The following RNF150 variants were observed in gnomAD, a reference collection of about 807,000 sequenced individuals.
RNF150 encodes ring finger protein 150.
Under a neutral mutation model 39.3 loss-of-function variants are expected in RNF150, and 24 were observed. The observed-to-expected ratio is 0.61, with a 90% CI of 0.44 to 0.86. The LOEUF (loss-of-function observed/expected upper bound fraction) is 0.86, where lower values mean the gene tolerates loss of function less well. RNF150 is among the 40% of genes least tolerant of loss of function. RNF150 has a pLI of 0.00. For missense variants in RNF150, 502 were observed against 587.8 expected, an observed-to-expected ratio of 0.85 and a Z score of 1.51; for synonymous variants, 255 against 227.3, an observed-to-expected ratio of 1.12 and a Z score of -1.10.
At chr4:141,138,783 G>T (rs1298782098) in intron 1 of RNF150, among the ~76,000 whole-genome samples, 1 of 152,204 alleles carries the variant, frequency 6.6e-6, no homozygotes, top group Non-Finnish European at 1.5e-5. Flanking sequence ...CATCTCCCAG[G>T]ATTATTGGAA....
intron 5 of RNF150, 99 bp downstream of exon 5, chr4:140,925,878 T>G: frequency 1.2e-6 from 1 of 811,640 alleles, no homozygotes. Flanking sequence ...TATGTGTGAC[T>G]GAGGGGACAC....
rs1727227327 is a variant in RNF150, at chr4:141,147,782, A to G, written c.-6+65012T>C. Among the ~76,000 whole-genome samples, 3 of 152,186 alleles carry G rather than the reference A, an allele frequency of 2.0e-5. No homozygotes were observed. The South Asian group carries it at 6.2e-4, about 32-fold the overall frequency. On this transcript the variant is annotated intron_variant, in intron 1 of 7. Transcript: ENST00000420921. ...CCCTCTCTGTGGGCAGGCAGATTTC[A>G]GAGGGGAGGGGAAAAGGCTGATTGA...
intron 1 of RNF150, among the ~76,000 whole-genome samples, chr4:141,050,297 AC>A (rs911428930): frequency 8.5e-5 from 13 of 152,242 alleles, no homozygotes; most frequent in Middle Eastern, 3.4e-3. Context: ...TTGGGCAGGG[AC>A]AAAAGCAAAC....
intron 2 of RNF150, among the ~76,000 whole-genome samples, chr4:140,961,047 G>A (rs995025552): frequency 1.3e-5 from 2 of 151,984 alleles, no homozygotes; most frequent in Admixed American, 6.6e-5. Flanking sequence ...GATTTGAATC[G>A]AGACCCATCT....
chr4:140,962,065 T>TTCTCTCTCTTCTCTC (rs1553995766), intron 2 of RNF150, among the ~76,000 whole-genome samples: 3 of 149,084 alleles, frequency 2.0e-5, no homozygotes, highest in African/African-American at 7.4e-5. Context: ...TCTCTCTCTC[T>TTCTCTCTCTTCTCTC]TCTCTCTCTC....
chr4:140,867,814 G>T lies in RNF150; in HGVS notation c.*447C>A, dbSNP rs573797010. ...CTTCTAAACAGAAACCTATACAAAAGCTGGAGTGCATCAAAGGAAAAACAA... is the reference window on the plus strand; with the variant it reads ...CTTCTAAACAGAAACCTATACAAAATCTGGAGTGCATCAAAGGAAAAACAA... On this transcript the variant is annotated 3_prime_UTR_variant, in exon 7 of 7. Transcript: ENST00000515673. 6.4e-6 allele frequency: 1 copy of T among 155,360 alleles called. No homozygotes were observed. The highest frequency in any genetic ancestry group is 2.0e-4 in the South Asian group (1 of 5,010). 9.6% of individuals were successfully genotyped at this position (155,360 alleles called of 1,614,324 possible).
chr4:141,082,101 G>T (rs1031532234), intron 1 of RNF150, among the ~76,000 whole-genome samples: 3 of 152,168 alleles, frequency 2.0e-5, no homozygotes, highest in African/African-American at 7.2e-5. Flanking sequence ...TGGGCAAGAG[G>T]CACCACTGCA....
At chr4:141,082,592 TTTTA>T (rs1292897618) in intron 1 of RNF150, among the ~76,000 whole-genome samples, 18 of 134,268 alleles carry the variant, frequency 1.3e-4, no homozygotes, top group African/African-American at 5.2e-4. Flanking sequence ...TTTTTTTATT[TTTTA>T]TTTTTTTTTT....
intron 2 of RNF150, among the ~76,000 whole-genome samples, chr4:140,958,243 GA>G (rs1287583695): frequency 6.6e-6 from 1 of 152,074 alleles, no homozygotes; most frequent in Non-Finnish European, 1.5e-5. Flanking sequence ...CCATGGGTAG[GA>G]GGGGGGTGCT....
intron 1 of RNF150, among the ~76,000 whole-genome samples, chr4:141,062,355 G>A (rs1560716292): frequency 6.6e-6 from 1 of 151,870 alleles, no homozygotes; most frequent in Non-Finnish European, 1.5e-5. Flanking sequence ...GTATGTATAT[G>A]TATATATATG....
Position 140,866,237 on chromosome 4 carries a change from T to A in RNF150, c.*2024A>T, listed in dbSNP as rs1036208212. 1 of 152,236 alleles carries A rather than the reference T, an allele frequency of 6.6e-6. No homozygotes were observed. The highest frequency in any genetic ancestry group is 1.5e-5 in the Non-Finnish European group (1 of 68,040). 9.4% of individuals were successfully genotyped at this position (152,236 alleles called of 1,614,324 possible). On this transcript the variant is annotated 3_prime_UTR_variant, in exon 7 of 7. Transcript: ENST00000515673. ...CTCTACCTCCCCAAGCTACGAAGCC[T>A]GATTGCCACAAGTCATAGCTATCTG...
chr4:140,873,799 C>G (rs57040623), intron 6 of RNF150, among the ~76,000 whole-genome samples: 1,592 of 152,250 alleles, frequency 0.01, 33 homozygotes, highest in African/African-American at 0.036. Flanking sequence ...CCTCAGTCTC[C>G]CAAGTAGCTG....
At chr4:141,164,511 C>A (rs1727567972) in intron 1 of RNF150, among the ~76,000 whole-genome samples, 1 of 152,058 alleles carries the variant, frequency 6.6e-6, no homozygotes, top group African/African-American at 2.4e-5. Flanking sequence ...AACCACTTCA[C>A]CAAGGTTGAA....
At chr4:140,928,331 G>A (rs989234237) in intron 4 of RNF150, among the ~76,000 whole-genome samples, 4 of 151,782 alleles carry the variant, frequency 2.6e-5, no homozygotes, top group Admixed American at 1.3e-4. Context: ...ACAAAGTGAC[G>A]AAGCTGAAAC....
At chr4:141,102,880 G>A (rs1224084188) in intron 1 of RNF150, among the ~76,000 whole-genome samples, 3 of 152,184 alleles carry the variant, frequency 2.0e-5, no homozygotes, top group Non-Finnish European at 2.9e-5. Flanking sequence ...ACTACCGTGG[G>A]TCTTCACTAG....
intron 1 of RNF150, among the ~76,000 whole-genome samples, chr4:141,172,099 T>C (rs1470235166): frequency 6.6e-6 from 1 of 152,108 alleles, no homozygotes; most frequent in Non-Finnish European, 1.5e-5. Flanking sequence ...CACACAGCAA[T>C]AGGGTTTTAT....
At chr4:140,997,494 T>C (rs114755114) in intron 1 of RNF150, among the ~76,000 whole-genome samples, 11,536 of 152,130 alleles carry the variant, frequency 0.076, 495 homozygotes, top group Middle Eastern at 0.16. Flanking sequence ...TGGTGGCATA[T>C]GCCTGTGTCA....
At chr4:141,130,878 C>A (rs1396298150) in intron 1 of RNF150, among the ~76,000 whole-genome samples, 1 of 152,196 alleles carries the variant, frequency 6.6e-6, no homozygotes, top group Non-Finnish European at 1.5e-5. Flanking sequence ...CAATCTTTTC[C>A]CTTAGAAAAC....
intron 1 of RNF150, among the ~76,000 whole-genome samples, chr4:141,200,160 G>A (rs557036190): frequency 1.3e-5 from 2 of 152,276 alleles, no homozygotes; most frequent in African/African-American, 4.8e-5. Flanking sequence ...CTGGAGGCAG[G>A]AAGTCTGAGA....
Sources: allele counts gnomAD v4.1 joint callset (sites outside exome capture counted in the v4.1 genomes callset), GRCh38; gene constraint gnomAD v4.1.1; transcripts MANE v1.5; gene names NCBI Gene and HGNC (gene_info 2026-07-23, HGNC 2026-07-21).